The following MTREX variants were observed in gnomAD, a reference collection of about 807,000 sequenced individuals.
MTREX encodes the protein exosome RNA helicase MTR4.
MTREX carries 76 observed loss-of-function variants against 135.4 expected under a neutral mutation model. The observed-to-expected ratio is 0.56, with a 90% CI of 0.47 to 0.68. The LOEUF is 0.68. Among genes scored for constraint, MTREX ranks in the 30% least tolerant of loss-of-function variants. The pLI, the probability that MTREX is intolerant of heterozygous loss-of-function variation, is 0.00. For missense variants in MTREX, 920 were observed against 1,262.1 expected (o/e 0.73, Z 4.11); for synonymous variants, 404 against 401.6 (o/e 1.01, Z -0.07).
rs75325321 is a variant in MTREX at position 55,345,409 on chromosome 5, T to G, written c.1108+213T>G. 6.3e-3 allele frequency among the ~76,000 whole-genome samples: 962 copies of G among 152,256 alleles called. 15 individuals are homozygous for G. The highest frequency in any genetic ancestry group is 0.021 in the African/African-American group (856 of 41,554). On this transcript the variant is annotated intron_variant, in intron 10 of 26. Transcript: ENST00000230640. ...CATCTAAGTATACAATTCAGTAGTCTTTAGTATATTTACAGAATTGTGCAG... is the reference window on the plus strand; with the variant it reads ...CATCTAAGTATACAATTCAGTAGTCGTTAGTATATTTACAGAATTGTGCAG...
chr5:55,308,774 C>G (rs1749035032), intron 1 of MTREX, among the ~76,000 whole-genome samples: 1 of 152,202 alleles, frequency 6.6e-6, no homozygotes, highest in Non-Finnish European at 1.5e-5. Context: ...CTGGTGCATA[C>G]AGCCACCAGA....
At chr5:55,344,023 T>C (rs552436769) in intron 8 of MTREX, among the ~76,000 whole-genome samples, 9 of 152,328 alleles carry the variant, frequency 5.9e-5, no homozygotes, top group African/African-American at 9.6e-5. Flanking sequence ...CATGAACTTA[T>C]CTGTTTATAA....
chr5:55,425,492 T>C lies in MTREX; in HGVS notation c.*720T>C. The C allele has an allele frequency of 1.5e-6, 1 of 649,334 alleles. No homozygotes were observed. Among genetic ancestry groups the C allele is most frequent in the Non-Finnish European group, 2.4e-6 (1 of 423,082 alleles). The allele number at this position is 649,334 out of a possible 1,614,324, so 40.2% of individuals were successfully genotyped here. The stretch of plus-strand genomic sequence containing the variant: ...AAATTAGAGACTAACTGGGATTTTT[T>C]AAAGATTATTCCAAATTAAGAGTTG... On this transcript the variant is annotated 3_prime_UTR_variant, in exon 27 of 27. Transcript: ENST00000230640.
chr5:55,405,084 A>G (rs781008655), intron 21 of MTREX, among the ~76,000 whole-genome samples: 2 of 152,022 alleles, frequency 1.3e-5, no homozygotes, highest in Non-Finnish European at 2.9e-5. Context: ...GGTGTGAGCC[A>G]TTGCGCCCGG....
In MTREX at chr5:55,349,578, G is replaced by T; in HGVS notation, c.1246G>T (p.Glu416Ter). ...MTKLDFNTDEEKKMVEEVFSN... is the reference protein window; with the variant it reads ...MTKLDFNTDE ...ACCCTTGAATTTTCTCCTAGATGAA[G>T]AAAAGAAGATGGTTGAAGAAGTATT... The change falls in exon 12 of 27, where the codon GAA becomes TAA. Residue 416 changes from glutamate to a stop codon, truncating the protein, a stop_gained. Coordinates refer to ENST00000230640, the MANE Select transcript of MTREX (RefSeq NM_015360.5). LOFTEE classifies it high-confidence loss of function. The T allele has an allele frequency of 2.5e-6, 4 of 1,575,500 alleles. No homozygotes were observed. The South Asian group carries it at 4.5e-5, about 18-fold the overall frequency.
At chr5:55,399,656 T>G (rs1750693983) in intron 20 of MTREX, among the ~76,000 whole-genome samples, 1 of 151,752 alleles carries the variant, frequency 6.6e-6, no homozygotes, top group Non-Finnish European at 1.5e-5. Flanking sequence ...CCTGGCTAAT[T>G]TTTTGTATTT....
intron 16 of MTREX, among the ~76,000 whole-genome samples, chr5:55,376,584 G>A (rs548928153): frequency 1.3e-3 from 205 of 152,274 alleles, no homozygotes; most frequent in African/African-American, 4.8e-3. Context: ...TTTAGAATTT[G>A]CTGTAGCACT....
Position 55,324,186 on chromosome 5 carries a change from G to C in MTREX, c.327G>C (p.Gly109=). 4 of 1,609,374 alleles carry C rather than the reference G, an allele frequency of 2.5e-6. No homozygotes were observed. The highest frequency in any genetic ancestry group is 3.4e-6 in the Non-Finnish European group (4 of 1,177,566). Residue 109 remains glycine, a synonymous_variant, in exon 3 of 27, where the codon GGG becomes GGC. Coordinates refer to ENST00000230640, the MANE Select transcript of MTREX (RefSeq NM_015360.5). The stretch of plus-strand genomic sequence containing the variant: ...TACAATCAGTTGAAACTGTTGAAGG[G>C]TGTACACATGAGGTAAGCACAAACA... ...VKVQSVETVE[G]CTHEVALPAE...
At chr5:55,337,345 G>A (rs1329729825) in intron 5 of MTREX, among the ~76,000 whole-genome samples, 1 of 151,940 alleles carries the variant, frequency 6.6e-6, no homozygotes, top group Non-Finnish European at 1.5e-5. Flanking sequence ...GACAGGGTCT[G>A]TGTTGCCCAG....
At chr5:55,359,174 A>G (rs1464001636) in intron 15 of MTREX, among the ~76,000 whole-genome samples, 7 of 152,332 alleles carry the variant, frequency 4.6e-5, no homozygotes, top group African/African-American at 1.7e-4. Context: ...ATCAAAAAGG[A>G]CACATTTTAA....
At chr5:55,362,633 T>C (rs545079434) in intron 15 of MTREX, among the ~76,000 whole-genome samples, 6 of 152,200 alleles carry the variant, frequency 3.9e-5, no homozygotes, top group Non-Finnish European at 7.4e-5. Flanking sequence ...AGTGCTAGTA[T>C]TTCAGGCATG....
intron 5 of MTREX, among the ~76,000 whole-genome samples, chr5:55,330,777 T>C (rs1236013106): frequency 2.6e-5 from 4 of 152,122 alleles, no homozygotes; most frequent in Non-Finnish European, 5.9e-5. Flanking sequence ...ACTGCAAATA[T>C]TGCCCTTCCT....
At chr5:55,338,783 T>TTTC (rs1749594346) in intron 5 of MTREX, among the ~76,000 whole-genome samples, 1 of 143,708 alleles carries the variant, frequency 7.0e-6, no homozygotes, top group African/African-American at 2.7e-5. Context: ...AGACTTTCTT[T>TTTC]TTCTTTTTTT....
intron 16 of MTREX, among the ~76,000 whole-genome samples, chr5:55,375,488 G>A (rs1308429922): frequency 1.2e-4 from 18 of 152,078 alleles, no homozygotes; most frequent in African/African-American, 1.7e-4. Context: ...TGTTCTGCCC[G>A]GCTCACTGGC....
intron 9 of MTREX, 102 bp downstream of exon 9, chr5:55,344,722 G>GAAAGAATTAAAC: frequency 1.5e-6 from 1 of 661,534 alleles, no homozygotes; most frequent in South Asian, 2.5e-5. Context: ...GAATGGAAAA[G>GAAAGAATTAAAC]ATACATTTGT....
intron 16 of MTREX, among the ~76,000 whole-genome samples, chr5:55,373,188 T>C (rs1750235338): frequency 6.6e-6 from 1 of 151,452 alleles, no homozygotes; most frequent in Non-Finnish European, 1.5e-5. Context: ...CTTTGTCTTA[T>C]TATAGGTCAT....
chr5:55,349,719 G>A, intron 12 of MTREX, 67 bp downstream of exon 12: 1 of 877,318 alleles, frequency 1.1e-6, no homozygotes, highest in Non-Finnish European at 1.9e-6. Flanking sequence ...ACTTTACATT[G>A]CTTGGTTTTA....
intron 2 of MTREX, among the ~76,000 whole-genome samples, chr5:55,323,197 AT>A (rs1323325892): frequency 6.6e-6 from 1 of 152,218 alleles, no homozygotes; most frequent in African/African-American, 2.4e-5. Flanking sequence ...CCAGGCTACT[AT>A]AATAAGTTAC....
At chr5:55,374,122 G>A (rs1389243155) in intron 16 of MTREX, among the ~76,000 whole-genome samples, 1 of 151,928 alleles carries the variant, frequency 6.6e-6, no homozygotes, top group Admixed American at 6.6e-5. Context: ...GCCACATGTG[G>A]TGGCGCACAC....
Sources: gnomAD v4.1 joint callset for allele counts (sites outside exome capture counted in the v4.1 genomes callset) on GRCh38, gnomAD v4.1.1 for gene constraint, MANE v1.5 for transcripts, NCBI Gene and HGNC (gene_info 2026-07-23, HGNC 2026-07-21) for gene names.